TMEM156: variants seen among roughly 807,000 people sequenced by gnomAD.
TMEM156 encodes the protein transmembrane protein 156.
A neutral mutation model predicts 30.5 loss-of-function variants in TMEM156; 28 were observed. The observed-to-expected ratio is 0.92, with a 90% confidence interval of 0.68 to 1.26. TMEM156 has a LOEUF of 1.26. TMEM156 is among the 50% of genes most tolerant of loss of function. TMEM156 has a pLI of 0.00. For synonymous variants in TMEM156, 137 were observed against 119.9 expected (o/e 1.14, Z -0.93); for missense variants, 351 against 340.6 (o/e 1.03, Z -0.24).
At chr4:39,002,547 G>T (rs925265821) in intron 1 of TMEM156, among the ~76,000 whole-genome samples, 6 of 140,918 alleles carry the variant, frequency 4.3e-5, no homozygotes, top group Non-Finnish European at 6.3e-5. Flanking sequence ...TATACCCAAA[G>T]GACTATAAAT....
intron 5 of TMEM156, among the ~76,000 whole-genome samples, chr4:38,976,057 C>G (rs1040551355): frequency 2.6e-5 from 4 of 151,838 alleles, no homozygotes; most frequent in African/African-American, 9.7e-5. Context: ...GAGGCCAAGG[C>G]GGGAGGATCA....
intron 4 of TMEM156, among the ~76,000 whole-genome samples, 181 bp from the exon 5 acceptor site, chr4:38,986,600 AG>A: frequency 6.6e-6 from 1 of 152,024 alleles, no homozygotes; most frequent in East Asian, 1.9e-4. Context: ...CGAAGTCAGG[AG>A]TTCGAACCCA....
At chr4:39,002,181 T>G (rs923311516) in intron 1 of TMEM156, among the ~76,000 whole-genome samples, 3 of 145,500 alleles carry the variant, frequency 2.1e-5, no homozygotes, top group African/African-American at 7.5e-5. Context: ...TCAAACAAAT[T>G]TACAAGAAAA....
chr4:39,017,003 A>T (rs1299726623), intron 1 of TMEM156, among the ~76,000 whole-genome samples: 1 of 152,074 alleles, frequency 6.6e-6, no homozygotes, highest in Non-Finnish European at 1.5e-5. Context: ...TTATAAAACC[A>T]TCAGATCTCA....
intron 2 of TMEM156, 97 bp downstream of exon 2, chr4:38,998,543 C>A (rs372296379): frequency 1.9e-4 from 180 of 953,156 alleles, no homozygotes; most frequent in African/African-American, 6.8e-4. Context: ...GACTCCATCT[C>A]AAAAAAAAAA....
chr4:39,018,088 A>G (rs1714618729), intron 1 of TMEM156, among the ~76,000 whole-genome samples: 2 of 151,866 alleles, frequency 1.3e-5, no homozygotes, highest in African/African-American at 4.8e-5. Flanking sequence ...TGTTAAATTG[A>G]TTCAGTGATT....
At chr4:38,984,769 T>C (rs1711850099) in intron 5 of TMEM156, among the ~76,000 whole-genome samples, 1 of 152,148 alleles carries the variant, frequency 6.6e-6, no homozygotes, top group Non-Finnish European at 1.5e-5. Flanking sequence ...TCAAAAGGGT[T>C]CTTGGTTTTA....
chr4:38,982,903 T>C (rs776216497), intron 5 of TMEM156, among the ~76,000 whole-genome samples: 1 of 152,206 alleles, frequency 6.6e-6, no homozygotes, highest in Non-Finnish European at 1.5e-5. Flanking sequence ...CAGTCCAGCA[T>C]GTGGACATGT....
At chr4:38,974,345 C>T (rs1322148910) in intron 5 of TMEM156, among the ~76,000 whole-genome samples, 2 of 151,852 alleles carry the variant, frequency 1.3e-5, no homozygotes, top group African/African-American at 4.8e-5. Flanking sequence ...CCTGAGATTA[C>T]AGGCATGAGC....
intron 1 of TMEM156, among the ~76,000 whole-genome samples, chr4:39,018,810 C>T (rs1215582049): frequency 1.3e-5 from 2 of 152,226 alleles, no homozygotes; most frequent in East Asian, 1.9e-4. Flanking sequence ...CACCTTAGGT[C>T]AAGAGTTCGA....
intron 3 of TMEM156, among the ~76,000 whole-genome samples, chr4:38,993,493 T>C (rs1374834130): frequency 6.6e-6 from 1 of 152,138 alleles, no homozygotes; most frequent in Non-Finnish European, 1.5e-5. Flanking sequence ...AGAAGGTCTT[T>C]CCAGTGCTCC....
At chr4:38,993,671 C>T (rs1323555561) in intron 3 of TMEM156, 67 bp downstream of exon 3, 3 of 1,393,338 alleles carry the variant, frequency 2.2e-6, no homozygotes, top group Non-Finnish European at 3.0e-6. Flanking sequence ...AATGTGATAG[C>T]CCTTACTTAA....
chr4:39,021,404 T>A (rs1409636533), intron 1 of TMEM156, among the ~76,000 whole-genome samples: 14 of 125,276 alleles, frequency 1.1e-4, no homozygotes, highest in South Asian at 7.7e-4. Context: ...CAAAAAAAAA[T>A]AAATAAATAA....
At position 39,032,351 on chromosome 4, in the gene TMEM156, C is replaced by T. The variant is rs757320329; in HGVS notation, c.-38G>A. 1 of 1,310,080 alleles carries T rather than the reference C, an allele frequency of 7.6e-7. No individual in the cohort carries two copies. The highest frequency in any genetic ancestry group is 1.1e-6 in the Non-Finnish European group (1 of 914,400). The allele number at this position is 1,310,080 out of a possible 1,614,324, so 81.2% of individuals were successfully genotyped here. On this transcript the variant is annotated 5_prime_UTR_variant, in exon 1 of 7. It removes an upstream start codon present in the reference 5' UTR. Transcript: ENST00000381938. ...GACACAAATGTGTTCCCTTGCAGTA[C>T]ATTCATGGTATGTTGCTTCCTGCTT...
At chr4:38,980,205 AT>A (rs1723111347) in intron 5 of TMEM156, among the ~76,000 whole-genome samples, 1 of 150,066 alleles carries the variant, frequency 6.7e-6, no homozygotes, top group African/African-American at 2.4e-5. Flanking sequence ...AAAAAAAAAA[AT>A]CTTGAACTGA....
intron 5 of TMEM156, among the ~76,000 whole-genome samples, chr4:38,977,117 C>A (rs113756845): frequency 0.063 from 9,647 of 152,180 alleles, 562 homozygotes; most frequent in African/African-American, 0.15. Flanking sequence ...GTTGGCCAGG[C>A]TGGTCTCAAA....
chr4:38,977,112 C>G (rs1041008329), intron 5 of TMEM156, among the ~76,000 whole-genome samples: 4 of 150,656 alleles, frequency 2.7e-5, no homozygotes, highest in African/African-American at 1.0e-4. Context: ...ACCATGTTGG[C>G]CAGGCTGGTC....
At chr4:38,974,368 G>A (rs1200687125) in intron 5 of TMEM156, among the ~76,000 whole-genome samples, 1 of 151,482 alleles carries the variant, frequency 6.6e-6, no homozygotes, top group Non-Finnish European at 1.5e-5. Context: ...CTGCATCCAG[G>A]CTGATTTCAT....
intron 5 of TMEM156, among the ~76,000 whole-genome samples, chr4:38,971,821 C>G (rs1380834406): frequency 6.6e-6 from 1 of 151,834 alleles, no homozygotes; most frequent in African/African-American, 2.4e-5. Context: ...CAGAGTTTCG[C>G]TCTTGTTGCC....
Sources: allele counts gnomAD v4.1 joint callset (sites outside exome capture counted in the v4.1 genomes callset), GRCh38; gene constraint gnomAD v4.1.1; transcripts MANE v1.5; gene names NCBI Gene and HGNC (gene_info 2026-07-23, HGNC 2026-07-21).